The following RBL1 variants were observed in gnomAD, a reference collection of about 807,000 sequenced individuals.
The protein encoded by RBL1 is RB transcriptional corepressor like 1.
A neutral mutation model predicts 123.0 loss-of-function variants in RBL1; 82 were observed. That is an observed-to-expected ratio of 0.67 (90% CI 0.56 to 0.80). The LOEUF is 0.80. RBL1 is among the 30% of genes least tolerant of loss of function. The pLI is 0.00. For missense variants in RBL1, 1,171 were observed against 1,299.6 expected, an observed-to-expected ratio of 0.90 and a Z score of 1.52; for synonymous variants, 405 against 441.3, an observed-to-expected ratio of 0.92 and a Z score of 1.03.
Position 37,082,561 on chromosome 20 carries a change from AC to A in RBL1, c.290+6427del, listed in dbSNP as rs1432617195. The stretch of plus-strand genomic sequence containing the variant: ...AGTTCCACATCCATGGATTCAACCA[AC>A]CACACATCAAAAATAATTGGAAAAA... On this transcript the variant is annotated intron_variant, in intron 2 of 21. Coordinates refer to ENST00000373664, the MANE Select transcript of RBL1 (RefSeq NM_002895.5). Among the ~76,000 whole-genome samples the A allele has an allele frequency of 2.6e-5, 4 of 152,208 alleles. No individual in the cohort carries two copies. In the East Asian group the frequency reaches 7.7e-4, roughly 29 times the overall value.
At chr20:37,079,282 AAAG>A (rs1218571099) in intron 2 of RBL1, among the ~76,000 whole-genome samples, 1 of 152,028 alleles carries the variant, frequency 6.6e-6, no homozygotes, top group African/African-American at 2.4e-5. Flanking sequence ...ATTTTTAGAA[AAAG>A]AAACTTTTTT....
At chr20:37,016,503 A>G (rs911223458) in intron 19 of RBL1, among the ~76,000 whole-genome samples, 1 of 152,172 alleles carries the variant, frequency 6.6e-6, no homozygotes, top group Admixed American at 6.5e-5. Context: ...TGGACACCAT[A>G]ATGATTATGG....
intron 6 of RBL1, among the ~76,000 whole-genome samples, chr20:37,066,024 AAAG>A (rs1221010806): frequency 2.0e-5 from 3 of 152,212 alleles, no homozygotes; most frequent in East Asian, 1.9e-4. Context: ...AATTTGTATA[AAAG>A]AAGAAGAAAC....
chr20:37,029,122 G>A (rs1004710049), intron 16 of RBL1, among the ~76,000 whole-genome samples: 3 of 152,134 alleles, frequency 2.0e-5, no homozygotes, highest in Non-Finnish European at 4.4e-5. Context: ...CATTTCAAGT[G>A]ATACAGGAAA....
At chr20:37,095,005 GCA>G (rs2065707193) in intron 1 of RBL1, among the ~76,000 whole-genome samples, 1 of 152,174 alleles carries the variant, frequency 6.6e-6, no homozygotes, top group Non-Finnish European at 1.5e-5. Flanking sequence ...CACCTGGAAA[GCA>G]GTCTAATACT....
intron 2 of RBL1, among the ~76,000 whole-genome samples, chr20:37,077,127 G>A (rs1235087829): frequency 6.6e-6 from 1 of 151,986 alleles, no homozygotes. Context: ...TAGAGAGACT[G>A]GGTTTCACCA....
chr20:37,012,587 C>CCGG (rs1311451422), intron 19 of RBL1, among the ~76,000 whole-genome samples: 2 of 145,348 alleles, frequency 1.4e-5, no homozygotes, highest in African/African-American at 5.6e-5. Flanking sequence ...GCGTCTCTGC[C>CCGG]CAGCCGCCCC....
intron 13 of RBL1, 52 bp downstream of exon 13, chr20:37,044,034 T>G (rs1415737682): frequency 1.2e-4 from 23 of 199,366 alleles, no homozygotes; most frequent in Non-Finnish European, 1.7e-4. Flanking sequence ...ATAAAGCTGG[T>G]TTTTTTTTTT....
intron 20 of RBL1, among the ~76,000 whole-genome samples, chr20:37,006,027 T>C (rs2146202304): frequency 6.6e-6 from 1 of 150,998 alleles, no homozygotes; most frequent in South Asian, 2.1e-4. Context: ...TGCTGAGTAG[T>C]TGGGACTAAA....
At chr20:37,059,383 A>T (rs902851137) in intron 9 of RBL1, among the ~76,000 whole-genome samples, 4 of 152,156 alleles carry the variant, frequency 2.6e-5, no homozygotes, top group Non-Finnish European at 1.5e-5. Flanking sequence ...AAATATTCCT[A>T]TTCTAGGGTT....
rs940634856 is a variant in RBL1, at chr20:37,008,876, G to C, written c.2723-1317C>G. Among the ~76,000 whole-genome samples, 5 of 152,048 alleles carry C rather than the reference G, an allele frequency of 3.3e-5. 1 individual carries two copies. Among genetic ancestry groups the C allele is most frequent in the Admixed American group, 1.3e-4 (2 of 15,242 alleles). Reference sequence around the variant, plus strand: ...GAGCTATGTGGTTAAATAAAGTTGAGGAAATGCTGTATATTATATTGGAAA... The same window carrying C: ...GAGCTATGTGGTTAAATAAAGTTGACGAAATGCTGTATATTATATTGGAAA... On this transcript the variant is annotated intron_variant, in intron 19 of 21. Coordinates refer to ENST00000373664, the MANE Select transcript of RBL1 (RefSeq NM_002895.5).
chr20:37,044,002 A>C, intron 13 of RBL1, 84 bp downstream of exon 13: 1 of 1,126,972 alleles, frequency 8.9e-7, no homozygotes, highest in Non-Finnish European at 1.2e-6. Flanking sequence ...GGTGAACTCT[A>C]TGGTATAGGA....
At chr20:37,054,435 G>T (rs1263253015) in intron 11 of RBL1, among the ~76,000 whole-genome samples, 4 of 152,034 alleles carry the variant, frequency 2.6e-5, no homozygotes, top group Admixed American at 2.6e-4. Flanking sequence ...AGTGAGCCAA[G>T]ATCGCGCCAC....
intron 19 of RBL1, among the ~76,000 whole-genome samples, chr20:37,014,183 A>G (rs1289475700): frequency 3.3e-5 from 5 of 150,922 alleles, no homozygotes; most frequent in Non-Finnish European, 7.4e-5. Flanking sequence ...GCTCAAGCCA[A>G]CCTCCCAATT....
intron 21 of RBL1, among the ~76,000 whole-genome samples, chr20:37,001,134 C>T (rs1354244037): frequency 2.0e-5 from 3 of 148,778 alleles, no homozygotes; most frequent in Non-Finnish European, 4.5e-5. Flanking sequence ...GGGGGGTCAG[C>T]CCCCCGCCCG....
At position 37,012,472 on chromosome 20, in the gene RBL1, C is replaced by T. The variant is rs937775483; in HGVS notation, c.2723-4913G>A. Among the ~76,000 whole-genome samples, 4 of 151,262 alleles carry T rather than the reference C, an allele frequency of 2.6e-5. No homozygotes were observed. The East Asian group carries it at 5.9e-4, about 22-fold the overall frequency. ...CTACGAAGTGAGGAGCGTCTCTGCC[C>T]GGCCGCCCATCGTCTGAGATGTGGG... On this transcript the variant is annotated intron_variant, in intron 19 of 21. Coordinates refer to ENST00000373664, the MANE Select transcript of RBL1 (RefSeq NM_002895.5).
chr20:37,093,283 A>G (rs568155968), intron 1 of RBL1, among the ~76,000 whole-genome samples: 4 of 151,158 alleles, frequency 2.6e-5, no homozygotes, highest in African/African-American at 7.2e-5. Context: ...GATTTTAAAA[A>G]AAGAGGAAAA....
chr20:37,062,811 C>T (rs1022157475), intron 7 of RBL1, among the ~76,000 whole-genome samples: 5 of 152,074 alleles, frequency 3.3e-5, no homozygotes, highest in East Asian at 1.9e-4. Flanking sequence ...AAAAATTAGC[C>T]GGGCGTGGTG....
At chr20:37,043,846 C>T (rs560313603) in intron 13 of RBL1, among the ~76,000 whole-genome samples, 1 of 152,162 alleles carries the variant, frequency 6.6e-6, no homozygotes, top group Non-Finnish European at 1.5e-5. Context: ...TGGTTACTTA[C>T]AGCTAGGGAG....
Sources: allele counts gnomAD v4.1 joint callset (sites outside exome capture counted in the v4.1 genomes callset), GRCh38; gene constraint gnomAD v4.1.1; transcripts MANE v1.5; gene names NCBI Gene and HGNC (gene_info 2026-07-23, HGNC 2026-07-21).